CCDC85C: variants seen among roughly 807,000 people sequenced by gnomAD.
The protein encoded by CCDC85C is coiled-coil domain containing 85C.
A neutral mutation model predicts 38.3 loss-of-function variants in CCDC85C; 18 were observed. The observed-to-expected ratio is 0.47, with a 90% CI of 0.33 to 0.70. CCDC85C has a LOEUF of 0.70. Ranked by LOEUF, CCDC85C falls within the 30% of genes least tolerant of loss-of-function variation. The pLI, the probability that CCDC85C is intolerant of heterozygous loss-of-function variation, is 0.03. For synonymous variants in CCDC85C, 264 were observed against 293.8 expected (o/e 0.90, Z 1.04); for missense variants, 566 against 621.2 (o/e 0.91, Z 0.94).
rs76543793 is a variant in CCDC85C at position 99,550,489 on chromosome 14, G to A, written c.794-14401C>T. Among the ~76,000 whole-genome samples the A allele has an allele frequency of 8.5e-3, 1,289 of 152,264 alleles. 15 individuals carry two copies. The highest frequency in any genetic ancestry group is 0.029 in the African/African-American group (1,202 of 41,540). On this transcript the variant is annotated intron_variant, in intron 1 of 5. Coordinates refer to ENST00000380243, the MANE Select transcript of CCDC85C (RefSeq NM_001144995.2). Reference sequence around the variant, plus strand: ...CAGAACTGCAAGAGAATAAATGTGTGTTGTTTAGGCCACCAGGGTGTAGTC... The same window carrying A: ...CAGAACTGCAAGAGAATAAATGTGTATTGTTTAGGCCACCAGGGTGTAGTC...
At chr14:99,573,047 G>A in intron 1 of CCDC85C, 1 of 333,432 alleles carries the variant, frequency 3.0e-6, no homozygotes. Flanking sequence ...AGAGCCTGGT[G>A]CTAAAAATGA....
Position 99,544,801 on chromosome 14 carries a change from C to T in CCDC85C, c.794-8713G>A, listed in dbSNP as rs371405898. Among the ~76,000 whole-genome samples, 74 of 152,228 alleles carry T rather than the reference C, an allele frequency of 4.9e-4. No individual in the cohort carries two copies. The highest frequency in any genetic ancestry group is 1.6e-3 in the African/African-American group (66 of 41,528). ...GAGGTTTTCAGTCTGAGCCAAAGAC[C>T]CCACAGCCTCTGAGCCTCGCCAGGT... On this transcript the variant is annotated intron_variant, in intron 1 of 5. Coordinates refer to ENST00000380243, the MANE Select transcript of CCDC85C (RefSeq NM_001144995.2). The surrounding 1 kb of genome is among the most constrained non-coding windows in gnomAD (Gnocchi z 5.3).
rs193135013 is a variant in CCDC85C at position 99,541,336 on chromosome 14, G to A, written c.794-5248C>T. 5.9e-5 allele frequency among the ~76,000 whole-genome samples: 9 copies of A among 152,352 alleles called. No individual in the cohort carries two copies. The East Asian group carries it at 1.5e-3, about 26-fold the overall frequency. On this transcript the variant is annotated intron_variant, in intron 1 of 5. Coordinates refer to ENST00000380243, the MANE Select transcript of CCDC85C (RefSeq NM_001144995.2). ...GCTGGGGAACCCCAGACAAGGAGCTGCCGAGGCTACAGGGGGCAGAGCATC... is the reference window on the plus strand; with the variant it reads ...GCTGGGGAACCCCAGACAAGGAGCTACCGAGGCTACAGGGGGCAGAGCATC...
chr14:99,517,211 T>G, intron 3 of CCDC85C, 28 bp from the exon 4 acceptor site: 1 of 1,494,380 alleles, frequency 6.7e-7, no homozygotes, highest in South Asian at 1.3e-5. Flanking sequence ...ACATCTCAGC[T>G]CACCCTGGCT....
chr14:99,562,187 C>T (rs1450618587), intron 1 of CCDC85C, among the ~76,000 whole-genome samples: 1 of 152,166 alleles, frequency 6.6e-6, no homozygotes, highest in Non-Finnish European at 1.5e-5. Context: ...GCGACGCCCT[C>T]CAGCAAGCTG....
chr14:99,536,600 C>T (rs1897606330), intron 1 of CCDC85C, among the ~76,000 whole-genome samples: 1 of 152,202 alleles, frequency 6.6e-6, no homozygotes, highest in African/African-American at 2.4e-5. Context: ...GGGATCCTTC[C>T]AGTCCACTTC....
chr14:99,572,312 G>A lies in CCDC85C; in HGVS notation c.793+30855C>T, dbSNP rs1239150138. Among the ~76,000 whole-genome samples the A allele has an allele frequency of 1.3e-5, 2 of 152,008 alleles. No homozygotes were observed. The highest frequency in any genetic ancestry group is 2.9e-5 in the Non-Finnish European group (2 of 67,996). Reference sequence around the variant, plus strand: ...ATGCCATCACTGCCGTCTCCTCCCCGCTACTTTCCCCAAGGAAACTGAAAG... The same window carrying A: ...ATGCCATCACTGCCGTCTCCTCCCCACTACTTTCCCCAAGGAAACTGAAAG... On this transcript the variant is annotated intron_variant, in intron 1 of 5. Transcript: ENST00000380243. The surrounding 1 kb of genome is among the most constrained non-coding windows in gnomAD (Gnocchi z 4.4).
chr14:99,593,517 G>A (rs2055110516), intron 1 of CCDC85C, among the ~76,000 whole-genome samples: 6 of 152,222 alleles, frequency 3.9e-5, no homozygotes. Flanking sequence ...AGGGAGGTAG[G>A]GGTGCAAGCC....
rs185423069 is a variant in CCDC85C at position 99,576,246 on chromosome 14, T to G, written c.793+26921A>C. Among the ~76,000 whole-genome samples, 15 of 152,284 alleles carry G rather than the reference T, an allele frequency of 9.9e-5. No individual in the cohort carries two copies. The highest frequency in any genetic ancestry group is 7.8e-4 in the Admixed American group (12 of 15,304). On this transcript the variant is annotated intron_variant, in intron 1 of 5. Transcript: ENST00000380243. This position sits in a 1 kb window ranked among gnomAD's most constrained non-coding sequence, Gnocchi z 4.8. The stretch of plus-strand genomic sequence containing the variant: ...CAGTAAAACTCAGAGCATGGCTGCT[T>G]TGCACACAGGCCTCCCGAAGCCCAC...
chr14:99,504,115 C>T lies in CCDC85C; in HGVS notation c.*11131G>A. ...AAACACACTTGGGTTGAGGTGCTGT[C>T]ACATGTCTAGAACCCAAAGTTAGTT... On this transcript the variant is annotated 3_prime_UTR_variant, in exon 6 of 6. Transcript: ENST00000380243. 1 of 360,414 alleles carries T rather than the reference C, an allele frequency of 2.8e-6. No individual in the cohort carries two copies. Among genetic ancestry groups the T allele is most frequent in the Admixed American group, 3.6e-5 (1 of 27,496 alleles). 22.3% of individuals were successfully genotyped at this position (360,414 alleles called of 1,614,324 possible).
chr14:99,554,378 G>T (rs1029425560), intron 1 of CCDC85C, among the ~76,000 whole-genome samples: 1 of 152,228 alleles, frequency 6.6e-6, no homozygotes, highest in Non-Finnish European at 1.5e-5. Context: ...CTCCGCCTGA[G>T]TGTGCCCGCC....
rs1024289330 is a variant in CCDC85C, at chr14:99,557,933, A to C, written c.794-21845T>G. ...CTGCCTCAAAAAAATAAAGAAAAGAAAAAAGAAACAATCACTATTTTAGTC... is the reference window on the plus strand; with the variant it reads ...CTGCCTCAAAAAAATAAAGAAAAGACAAAAGAAACAATCACTATTTTAGTC... On this transcript the variant is annotated intron_variant, in intron 1 of 5. Transcript: ENST00000380243. Among the ~76,000 whole-genome samples, 8 of 142,460 alleles carry C rather than the reference A, an allele frequency of 5.6e-5. No individual in the cohort carries two copies. In the South Asian group the frequency reaches 1.8e-3, roughly 32 times the overall value. The allele number at this position is 142,460 out of a possible 152,430, so 93.5% of individuals were successfully genotyped here.
intron 2 of CCDC85C, among the ~76,000 whole-genome samples, chr14:99,524,731 C>A: frequency 6.6e-6 from 1 of 152,308 alleles, no homozygotes; most frequent in East Asian, 1.9e-4. Context: ...AGGATTTCCC[C>A]GAGGAGGGGA....
chr14:99,584,825 G>A (rs2139980117), intron 1 of CCDC85C, among the ~76,000 whole-genome samples: 2 of 152,346 alleles, frequency 1.3e-5, no homozygotes, highest in Middle Eastern at 6.8e-3. Flanking sequence ...GGGCGCAGTG[G>A]ACGCTGTAAT....
At position 99,522,126 on chromosome 14, in the gene CCDC85C, C is replaced by T. The variant is rs1348406656; in HGVS notation, c.975+7G>A. On this transcript the variant is annotated splice_region_variant and intron_variant, in intron 3 of 5. Coordinates refer to ENST00000380243, the MANE Select transcript of CCDC85C (RefSeq NM_001144995.2). ...AACATGTGGGCTTTTTTGGGGTGCA[C>T]ACTCACGTTCTGCAGGGAGTCCTGG... 1 of 1,547,222 alleles carries T rather than the reference C, an allele frequency of 6.5e-7. No homozygotes were observed. The highest frequency in any genetic ancestry group is 1.2e-5 in the South Asian group (1 of 83,988).
chr14:99,510,261 G>GCCC lies in CCDC85C; in HGVS notation c.*4982_*4984dup. On this transcript the variant is annotated 3_prime_UTR_variant, in exon 6 of 6. Coordinates refer to ENST00000380243, the MANE Select transcript of CCDC85C (RefSeq NM_001144995.2). ...CCAGATTCCCCCTCCGGCCCACCCGGCCCCTGTGCACCAGCCACCGCCGCT... is the reference window on the plus strand; with the variant it reads ...CCAGATTCCCCCTCCGGCCCACCCGGCCCCCCCTGTGCACCAGCCACCGCCGCT... The GCCC allele has an allele frequency of 7.4e-7, 1 of 1,354,242 alleles. No homozygotes were observed. The highest frequency in any genetic ancestry group is 1.3e-5 in the South Asian group (1 of 79,096). The allele number at this position is 1,354,242 out of a possible 1,614,324, so 83.9% of individuals were successfully genotyped here. A position where few individuals can be genotyped will look rare whatever the true frequency, so the allele number is the denominator to read the frequency against.
intron 1 of CCDC85C, among the ~76,000 whole-genome samples, chr14:99,571,328 C>T (rs1446664214): frequency 7.2e-6 from 1 of 138,590 alleles, no homozygotes; most frequent in African/African-American, 2.8e-5. Flanking sequence ...ACAGCCACAG[C>T]AGCAATAGTA....
chr14:99,594,454 G>C (rs765134947), intron 1 of CCDC85C, among the ~76,000 whole-genome samples: 1 of 152,210 alleles, frequency 6.6e-6, no homozygotes, highest in Admixed American at 6.5e-5. Flanking sequence ...AGGCCCCACA[G>C]TGGGACCCAT....
intron 1 of CCDC85C, among the ~76,000 whole-genome samples, chr14:99,578,707 T>C (rs2054930558): frequency 6.6e-6 from 1 of 152,212 alleles, no homozygotes. Flanking sequence ...GCTGGGCCGT[T>C]GGCGTGATGG....
Sources: allele counts gnomAD v4.1 joint callset (sites outside exome capture counted in the v4.1 genomes callset), GRCh38; gene constraint gnomAD v4.1.1; non-coding constraint Gnocchi (gnomAD v3.1); transcripts MANE v1.5; gene names NCBI Gene and HGNC (gene_info 2026-07-23, HGNC 2026-07-21).